ELP4: variants seen among roughly 807,000 people sequenced by gnomAD.
ELP4 encodes the protein elongator acetyltransferase complex subunit 4.
ELP4 carries 51 observed loss-of-function variants against 48.9 expected under a neutral mutation model. The observed-to-expected ratio is 1.04, with a 90% CI of 0.83 to 1.32. The LOEUF (loss-of-function observed/expected upper bound fraction) is 1.32, where lower values mean the gene tolerates loss of function less well. Among genes scored for constraint, ELP4 ranks in the 40% most tolerant of loss-of-function variants. The pLI is 0.00. For missense variants in ELP4, 519 were observed against 514.6 expected (o/e 1.01, Z -0.08); for synonymous variants, 210 against 189.2 (o/e 1.11, Z -0.90).
chr11:31,647,676 AT>A (rs1199848160), intron 7 of ELP4, 64 bp from the exon 8 acceptor site: 33 of 981,132 alleles, frequency 3.4e-5, no homozygotes, highest in Non-Finnish European at 5.3e-5. Context: ...GCATAGGGAT[AT>A]TTTATAGATA....
intron 3 of ELP4, among the ~76,000 whole-genome samples, chr11:31,552,329 G>A (rs1278178388): frequency 1.3e-5 from 2 of 152,132 alleles, no homozygotes; most frequent in Non-Finnish European, 2.9e-5. Flanking sequence ...ATATGCTGAT[G>A]ACTTTCAAAT....
chr11:31,653,632 T>C (rs371676756), intron 9 of ELP4: 1 of 151,786 alleles, frequency 6.6e-6, no homozygotes, highest in Non-Finnish European at 1.5e-5. Context: ...ATTTACTTAA[T>C]AGGTATAAAG....
chr11:31,663,160 A>G (rs1382860804), intron 9 of ELP4: 1 of 151,986 alleles, frequency 6.6e-6, no homozygotes, highest in Non-Finnish European at 1.5e-5. Flanking sequence ...TTTCTTTTAT[A>G]AAACATTATA....
At chr11:31,763,133 T>C (rs1350608889) in intron 9 of ELP4, among the ~76,000 whole-genome samples, 1 of 152,134 alleles carries the variant, frequency 6.6e-6, no homozygotes, top group African/African-American at 2.4e-5. Context: ...ATGACCATTT[T>C]AAAATTAACA....
intron 5 of ELP4, among the ~76,000 whole-genome samples, chr11:31,624,214 G>C (rs1944691002): frequency 6.6e-6 from 1 of 151,748 alleles, no homozygotes; most frequent in African/African-American, 2.4e-5. Flanking sequence ...TCAGTCATTT[G>C]ACACTTATGA....
At chr11:31,652,456 T>C (rs940728364) in intron 9 of ELP4, 5 of 151,662 alleles carry the variant, frequency 3.3e-5, no homozygotes, top group African/African-American at 1.2e-4. Flanking sequence ...TAGCAAGTCT[T>C]TGTAATATAT....
intron 9 of ELP4, among the ~76,000 whole-genome samples, chr11:31,748,243 C>CTTTT (rs374889218): frequency 2.3e-5 from 3 of 130,560 alleles, no homozygotes; most frequent in South Asian, 2.5e-4. Context: ...AAACCAAGAT[C>CTTTT]TTTTTTTTTT....
At chr11:31,742,660 A>G (rs1947481737) in intron 9 of ELP4, among the ~76,000 whole-genome samples, 1 of 152,204 alleles carries the variant, frequency 6.6e-6, no homozygotes, top group Non-Finnish European at 1.5e-5. Flanking sequence ...AAGCTTCATA[A>G]GTGAAGGAGA....
intron 1 of ELP4, among the ~76,000 whole-genome samples, chr11:31,519,554 C>T (rs1956177655): frequency 6.6e-6 from 1 of 152,104 alleles, no homozygotes; most frequent in Non-Finnish European, 1.5e-5. Context: ...TGGTGGCTCA[C>T]TGGCTCACGC....
At chr11:31,769,402 A>C (rs1473090461) in intron 9 of ELP4, among the ~76,000 whole-genome samples, 1 of 152,254 alleles carries the variant, frequency 6.6e-6, no homozygotes, top group African/African-American at 2.4e-5. Context: ...CACATTTCCA[A>C]GAGGAGTGTT....
chr11:31,752,783 G>A (rs912557839), intron 9 of ELP4, among the ~76,000 whole-genome samples: 1 of 151,134 alleles, frequency 6.6e-6, no homozygotes, highest in Non-Finnish European at 1.5e-5. Flanking sequence ...GCAGTGAGCT[G>A]GGATCGCGCC....
intron 9 of ELP4, among the ~76,000 whole-genome samples, chr11:31,711,100 ACT>A (rs1394430908): frequency 6.6e-6 from 1 of 152,200 alleles, no homozygotes; most frequent in Non-Finnish European, 1.5e-5. Context: ...ACTCTGTTAC[ACT>A]CTAACTGAAA....
chr11:31,734,810 T>G (rs1277710743), intron 9 of ELP4, among the ~76,000 whole-genome samples: 1 of 152,218 alleles, frequency 6.6e-6, no homozygotes, highest in Admixed American at 6.5e-5. Context: ...ACACGTTCAA[T>G]GCAATCCCTA....
chr11:31,586,938 C>G (rs1957485899), intron 3 of ELP4, among the ~76,000 whole-genome samples: 1 of 152,074 alleles, frequency 6.6e-6, no homozygotes, highest in Non-Finnish European at 1.5e-5. Context: ...CGGCGACCGG[C>G]CAAATATTTT....
At position 31,741,967 on chromosome 11, in the gene ELP4, G is replaced by A. The variant is rs546937593; in HGVS notation, c.1144-41426G>A. On this transcript the variant is annotated intron_variant, in intron 9 of 9. Transcript: ENST00000640961. Reference sequence around the variant, plus strand: ...TACTCCGAGCTACAGGAGGAAATTCGAACCAATGGCAAAGAAGTTAAAAGC... The same window carrying A: ...TACTCCGAGCTACAGGAGGAAATTCAAACCAATGGCAAAGAAGTTAAAAGC... 1.2e-4 allele frequency among the ~76,000 whole-genome samples: 18 copies of A among 152,090 alleles called. No individual in the cohort carries two copies. The South Asian group carries it at 2.5e-3, about 21-fold the overall frequency.
At chr11:31,579,489 T>C (rs1279711975) in intron 3 of ELP4, among the ~76,000 whole-genome samples, 3 of 152,128 alleles carry the variant, frequency 2.0e-5, no homozygotes, top group Non-Finnish European at 2.9e-5. Context: ...TGCACACATA[T>C]GTTTATTGCG....
chr11:31,675,139 A>G (rs1392086327), intron 9 of ELP4, among the ~76,000 whole-genome samples: 1 of 152,220 alleles, frequency 6.6e-6, no homozygotes, highest in Admixed American at 6.5e-5. Flanking sequence ...CATGTAGGAA[A>G]AATCATCACT....
intron 9 of ELP4, among the ~76,000 whole-genome samples, chr11:31,760,514 A>AT (rs1283705017): frequency 2.0e-5 from 3 of 152,150 alleles, no homozygotes; most frequent in Non-Finnish European, 2.9e-5. Flanking sequence ...AGTATGCTAG[A>AT]TTTTTTTAAA....
At chr11:31,722,424 A>G (rs951888690) in intron 9 of ELP4, among the ~76,000 whole-genome samples, 2 of 152,290 alleles carry the variant, frequency 1.3e-5, no homozygotes, top group East Asian at 1.9e-4. Flanking sequence ...GATGCTTACA[A>G]TTGACATTGT....
Sources: gnomAD v4.1 joint callset for allele counts (sites outside exome capture counted in the v4.1 genomes callset) on GRCh38, gnomAD v4.1.1 for gene constraint, MANE v1.5 for transcripts, NCBI Gene and HGNC (gene_info 2026-07-23, HGNC 2026-07-21) for gene names.